Variants in TCF3 observed in about 807,000 individuals in gnomAD.
TCF3 encodes the protein transcription factor E2-alpha.
TCF3 carries 54 observed loss-of-function variants against 72.3 expected under a neutral mutation model. The ratio of observed to expected loss-of-function variants is 0.75; its 90% CI spans 0.60 to 0.94. TCF3 has a LOEUF of 0.94. Among genes scored for constraint, TCF3 ranks in the 40% least tolerant of loss-of-function variants. The pLI is 0.00. For missense variants in TCF3, 1,078 were observed against 934.4 expected (o/e 1.15, Z -2.00); for synonymous variants, 525 against 412.6 (o/e 1.27, Z -3.30).
In TCF3 at chr19:1,610,377, T is replaced by C. The variant is rs1302668998; in HGVS notation, c.*1330A>G. ...GGGGAGGCTGGCCAGGCCCCTGGCA[T>C]CCTGTCTACGTCACGATGGCCCTCT... On this transcript the variant is annotated 3_prime_UTR_variant, in exon 19 of 19. Transcript: ENST00000262965. The C allele has an allele frequency of 8.7e-6, 2 of 230,114 alleles. No homozygotes were observed. Among genetic ancestry groups the C allele is most frequent in the African/African-American group, 4.4e-5 (2 of 45,084 alleles). 14.3% of individuals were successfully genotyped at this position (230,114 alleles called of 1,614,324 possible).
chr19:1,619,262 AG>A (rs776095298), intron 15 of TCF3, 28 bp from the exon 16 acceptor site: 1 of 1,577,378 alleles, frequency 6.3e-7, no homozygotes, highest in Admixed American at 1.7e-5. Context: ...CGGGTGCATC[AG>A]GGGGAGCCGG....
In TCF3 at chr19:1,612,369, T is replaced by C. The variant is rs2061093852; in HGVS notation, c.1823-520A>G. On this transcript the variant is annotated intron_variant, in intron 18 of 18. Coordinates refer to ENST00000262965, the MANE Select transcript of TCF3 (RefSeq NM_003200.5). ...ACGCGCACCCGCTCCCGCGCGTTATTGGCCATGCGCCTCTCCCGGTCCCTC... is the reference window on the plus strand; with the variant it reads ...ACGCGCACCCGCTCCCGCGCGTTATCGGCCATGCGCCTCTCCCGGTCCCTC... 1 of 1,613,742 alleles carries C rather than the reference T, an allele frequency of 6.2e-7. No individual in the cohort carries two copies. The highest frequency in any genetic ancestry group is 8.5e-7 in the Non-Finnish European group (1 of 1,179,798).
At chr19:1,627,512 G>A (rs1045757931) in intron 5 of TCF3, 86 bp from the exon 6 acceptor site, 7 of 1,245,544 alleles carry the variant, frequency 5.6e-6, no homozygotes, top group South Asian at 2.5e-5. Flanking sequence ...GCCTACAATA[G>A]GCTCTCAGTA....
intron 8 of TCF3, among the ~76,000 whole-genome samples, chr19:1,623,647 G>C (rs1324918307): frequency 6.6e-6 from 1 of 152,204 alleles, no homozygotes; most frequent in Non-Finnish European, 1.5e-5. Flanking sequence ...GCCTCCCAAA[G>C]CGCTGGGATG....
chr19:1,622,302 C>T lies in TCF3; in HGVS notation c.652+11G>A, dbSNP rs1211286129. ...CTACCGTCCCTGGCGAGCCCCCGCCCTGCCATGTACCTGCCACGTAGAAGG... is the reference window on the plus strand; with the variant it reads ...CTACCGTCCCTGGCGAGCCCCCGCCTTGCCATGTACCTGCCACGTAGAAGG... On this transcript the variant is annotated intron_variant, in intron 9 of 18. Transcript: ENST00000262965. The T allele has an allele frequency of 9.2e-6, 14 of 1,517,252 alleles. No individual in the cohort carries two copies. Among genetic ancestry groups the T allele is most frequent in the Admixed American group, 2.1e-5 (1 of 48,322 alleles). The allele number at this position is 1,517,252 out of a possible 1,614,324, so 94.0% of individuals were successfully genotyped here. A position where few individuals can be genotyped will look rare whatever the true frequency, so the allele number is the denominator to read the frequency against.
chr19:1,622,065 G>A lies in TCF3; in HGVS notation c.811C>T (p.His271Tyr). The change falls in exon 10 of 19, where the codon CAC (histidine) becomes TAC (tyrosine). Residue 271 changes from histidine to tyrosine, a missense_variant. Coordinates refer to ENST00000262965, the MANE Select transcript of TCF3 (RefSeq NM_003200.5). ...GCCCTGGGTCCTACCATACGCTCGT[G>A]CTGGTGCAGGCCACCAAACGTGCTG... ...SSSTFGGLHQHERMGYQLHGA... is the reference protein window; with the variant it reads ...SSSTFGGLHQYERMGYQLHGA... The A allele has an allele frequency of 1.2e-6, 2 of 1,605,664 alleles. No homozygotes were observed. The highest frequency in any genetic ancestry group is 1.7e-6 in the Non-Finnish European group (2 of 1,177,536).
intron 3 of TCF3, among the ~76,000 whole-genome samples, chr19:1,633,984 G>T (rs975236519): frequency 6.6e-6 from 1 of 152,194 alleles, no homozygotes; most frequent in African/African-American, 2.4e-5. Context: ...CTGAGCAAAC[G>T]GGAGGCTCCT....
chr19:1,611,642 G>A lies in TCF3; in HGVS notation c.*65C>T. On this transcript the variant is annotated 3_prime_UTR_variant, in exon 19 of 19. Transcript: ENST00000262965. ...ATGTGGATGAAGCCCGGGGTCTCGA[G>A]TGGCCGTTCTGGGGCCAGAGCACAG... 1.3e-6 allele frequency: 2 copies of A among 1,558,944 alleles called. No individual in the cohort carries two copies. The highest frequency in any genetic ancestry group is 1.7e-6 in the Non-Finnish European group (2 of 1,150,398).
chr19:1,650,728 G>T (rs374188150), intron 1 of TCF3: 2 of 232,984 alleles, frequency 8.6e-6, no homozygotes, highest in Non-Finnish European at 1.7e-5. Flanking sequence ...CGCCCCGAGG[G>T]AAATTTGGTG....
At chr19:1,630,283 G>A (rs534103692) in intron 5 of TCF3, among the ~76,000 whole-genome samples, 25 of 152,300 alleles carry the variant, frequency 1.6e-4, no homozygotes, top group Admixed American at 1.0e-3. Flanking sequence ...CACCTACCCC[G>A]TAAGGGGAAC....
Position 1,621,818 on chromosome 19 carries a change from A to G in TCF3, c.955+20T>C, listed in dbSNP as rs748004692. 3 of 1,572,812 alleles carry G rather than the reference A, an allele frequency of 1.9e-6. No homozygotes were observed. The Admixed American group carries it at 5.6e-5, about 29-fold the overall frequency. ...CCCAGTGTCCCCTCGGAGAGGCCGC[A>G]TCCCAGGGAGGGGCCATACCCAGGA... On this transcript the variant is annotated intron_variant, in intron 11 of 18. Transcript: ENST00000262965.
chr19:1,624,224 C>T (rs918422533), intron 7 of TCF3, among the ~76,000 whole-genome samples: 1 of 152,158 alleles, frequency 6.6e-6, no homozygotes, highest in Non-Finnish European at 1.5e-5. Context: ...AGTGAAACCC[C>T]GTCTCTACTG....
At position 1,625,593 on chromosome 19, in the gene TCF3, G is replaced by A. The variant is rs1280061503; in HGVS notation, c.482C>T (p.Ala161Val). The A allele has an allele frequency of 1.5e-5, 23 of 1,584,836 alleles. No individual in the cohort carries two copies. Among genetic ancestry groups the A allele is most frequent in the Non-Finnish European group, 1.9e-5 (22 of 1,168,366 alleles). Reference sequence around the variant, plus strand: ...CCGCTCACCTAGGCTGCCGTCTGCCGCTCTCCGCCGGGAGCTGCCGGAGTA... The same window carrying A: ...CCGCTCACCTAGGCTGCCGTCTGCCACTCTCCGCCGGGAGCTGCCGGAGTA... ...PSYSGSSRRR[A>V]ADGSLDTQPK... The change falls in exon 7 of 19, where the codon GCG becomes GTG. Residue 161 changes from alanine to valine, a missense_variant. Transcript: ENST00000262965.
In TCF3 at chr19:1,632,368, G is replaced by T; in HGVS notation, c.183C>A (p.Ser61Arg). 6.3e-7 allele frequency: 1 copy of T among 1,595,536 alleles called. No homozygotes were observed. Among genetic ancestry groups the T allele is most frequent in the East Asian group, 2.3e-5 (1 of 44,236 alleles). ...CAAAGGAGGAGCTGCTCTGGTCGCCGCTGCCCCAGGAGCCTGAGCTGGGCC... is the reference window on the plus strand; with the variant it reads ...CAAAGGAGGAGCTGCTCTGGTCGCCTCTGCCCCAGGAGCCTGAGCTGGGCC... ...EDRPSSGSWG[S>R]GDQSSSSFDP... The change falls in exon 4 of 19, where the codon AGC becomes AGA. Residue 61 changes from serine (S) to arginine (R), a missense_variant. Physicochemically the swap from Ser to Arg is moderately radical, Grantham distance 110. Coordinates refer to ENST00000262965, the MANE Select transcript of TCF3 (RefSeq NM_003200.5).
chr19:1,625,678 T>C lies in TCF3; in HGVS notation c.397A>G (p.Asn133Asp), dbSNP rs747269251. Residue 133 changes from asparagine to aspartate, a missense_variant, in exon 7 of 19, where the codon AAC becomes GAC. By Grantham distance (23) the Asn-to-Asp change is conservative. Coordinates refer to ENST00000262965, the MANE Select transcript of TCF3 (RefSeq NM_003200.5). ...GAAGGGGACAGGGGCCCGGGGCTGT[T>C]GAGGGCCAGCTCGCCTGACAGGAAG... The part of the protein sequence containing the change: ...AGFLSGELAL[N>D]SPGPLSPSGM... 5 of 1,523,908 alleles carry C rather than the reference T, an allele frequency of 3.3e-6. No homozygotes were observed. In the African/African-American group the frequency reaches 5.8e-5, roughly 18 times the overall value. The allele number at this position is 1,523,908 out of a possible 1,614,324, so 94.4% of individuals were successfully genotyped here.
At chr19:1,620,740 G>A (rs2146061669) in intron 13 of TCF3, among the ~76,000 whole-genome samples, 1 of 152,304 alleles carries the variant, frequency 6.6e-6, no homozygotes, top group Admixed American at 6.5e-5. Flanking sequence ...GGATTGCCCA[G>A]TGGAACACAA....
At chr19:1,631,963 G>A (rs777292145) in intron 5 of TCF3, 75 bp downstream of exon 5, 23 of 1,566,428 alleles carry the variant, frequency 1.5e-5, no homozygotes, top group African/African-American at 1.2e-4. Flanking sequence ...GGCGCTGTGC[G>A]TGCACTGACC....
intron 2 of TCF3, among the ~76,000 whole-genome samples, chr19:1,649,054 G>A (rs551955325): frequency 6.6e-6 from 1 of 152,214 alleles, no homozygotes; most frequent in Non-Finnish European, 1.5e-5. Context: ...CACCCTCTGA[G>A]CCTCCGTTCA....
intron 18 of TCF3, among the ~76,000 whole-genome samples, chr19:1,613,023 T>C (rs1265162915): frequency 6.7e-6 from 1 of 149,694 alleles, no homozygotes. Context: ...ACAGCTGGTG[T>C]CAGGCACTGC....
Sources: gnomAD v4.1 joint callset for allele counts (sites outside exome capture counted in the v4.1 genomes callset) on GRCh38, gnomAD v4.1.1 for gene constraint, MANE v1.5 for transcripts, NCBI Gene and HGNC (gene_info 2026-07-23, HGNC 2026-07-21) for gene names.